Variants in LTBP1 observed in about 807,000 individuals in gnomAD.
The protein encoded by LTBP1 is latent-transforming growth factor beta-binding protein 1.
LTBP1 carries 129 observed loss-of-function variants against 207.6 expected under a neutral mutation model. The observed-to-expected ratio is 0.62, with a 90% CI of 0.54 to 0.72. The LOEUF (loss-of-function observed/expected upper bound fraction) is 0.72. LTBP1 is among the 30% of genes least tolerant of loss of function. The pLI is 0.00. For synonymous variants in LTBP1, 963 were observed against 833.7 expected, an observed-to-expected ratio of 1.16 and a Z score of -2.67; for missense variants, 2,281 against 2,217.2, an observed-to-expected ratio of 1.03 and a Z score of -0.58.
At chr2:33,194,892 C>G (rs1193038266) in intron 7 of LTBP1, among the ~76,000 whole-genome samples, 1 of 152,150 alleles carries the variant, frequency 6.6e-6, no homozygotes, top group Non-Finnish European at 1.5e-5. Flanking sequence ...TAGTTGCAGC[C>G]AGTGCTCATA....
At chr2:33,054,539 C>T (rs2076895483) in intron 3 of LTBP1, among the ~76,000 whole-genome samples, 1 of 152,170 alleles carries the variant, frequency 6.6e-6, no homozygotes, top group South Asian at 2.1e-4. Context: ...TAATATATCC[C>T]TCCCTAATAA....
At chr2:33,176,519 C>A (rs1023093256) in intron 5 of LTBP1, among the ~76,000 whole-genome samples, 1 of 149,726 alleles carries the variant, frequency 6.7e-6, no homozygotes, top group African/African-American at 2.6e-5. Context: ...GCCACCATGC[C>A]TGGCTGACAA....
chr2:33,110,747 T>C lies in LTBP1; in HGVS notation c.1029T>C (p.Phe343=). ...TGCAGGATCAAGTTGCGGCACCTTT[T>C]CAGCGTGAGTATAGTCTTATCAACC... ...RYVQDQVAAP[F]QLSNHTGRIK... The change falls in exon 4 of 34, where the codon TTT becomes TTC. Residue 343 remains phenylalanine, a synonymous_variant. Transcript: ENST00000404816. 1 of 1,613,916 alleles carries C rather than the reference T, an allele frequency of 6.2e-7. No homozygotes were observed.
At chr2:33,354,054 G>A (rs532482955) in intron 26 of LTBP1, among the ~76,000 whole-genome samples, 6 of 151,274 alleles carry the variant, frequency 4.0e-5, no homozygotes, top group African/African-American at 1.5e-4. Context: ...TAGTAGAGAC[G>A]GGGTTTCACC....
At chr2:33,325,373 G>T (rs1338842360) in intron 24 of LTBP1, among the ~76,000 whole-genome samples, 3 of 152,136 alleles carry the variant, frequency 2.0e-5, no homozygotes, top group African/African-American at 7.2e-5. Flanking sequence ...TGCCTCTGAG[G>T]CCTAAGTGTC....
chr2:33,319,490 T>C (rs2094322110), intron 24 of LTBP1, among the ~76,000 whole-genome samples: 1 of 152,124 alleles, frequency 6.6e-6, no homozygotes, highest in African/African-American at 2.4e-5. Context: ...GGGAGAAAAT[T>C]AGGGAAACTT....
At position 33,362,058 on chromosome 2, in the gene LTBP1, A is replaced by C. The variant is rs549073782; in HGVS notation, c.4270+543A>C. On this transcript the variant is annotated intron_variant, in intron 28 of 33. Coordinates refer to ENST00000404816, the MANE Select transcript of LTBP1 (RefSeq NM_206943.4). ...AGACATGTTTTATGTATTTGATGCT[A>C]CGGTTATATAATTCTAAAATAAATG... Among the ~76,000 whole-genome samples, 14 of 152,300 alleles carry C rather than the reference A, an allele frequency of 9.2e-5. No homozygotes were observed. In the East Asian group the frequency reaches 2.7e-3, roughly 29 times the overall value.
intron 31 of LTBP1, among the ~76,000 whole-genome samples, chr2:33,379,418 C>T (rs1200152077): frequency 1.3e-5 from 2 of 152,038 alleles, no homozygotes; most frequent in Non-Finnish European, 2.9e-5. Flanking sequence ...ACCTTGTTAG[C>T]CAGGATGGTC....
chr2:33,059,903 G>A lies in LTBP1; in HGVS notation c.863+38697G>A, dbSNP rs113535502. Among the ~76,000 whole-genome samples, 1,044 of 152,258 alleles carry A rather than the reference G, an allele frequency of 6.9e-3. 9 individuals carry two copies. The highest frequency in any genetic ancestry group is 0.022 in the African/African-American group (929 of 41,538). ...CTTCTAGACTTTAGATACATCTATGGCAAATAGGAAGACAAGCTATTTCTA... is the reference window on the plus strand; with the variant it reads ...CTTCTAGACTTTAGATACATCTATGACAAATAGGAAGACAAGCTATTTCTA... On this transcript the variant is annotated intron_variant, in intron 3 of 33. Transcript: ENST00000404816.
intron 2 of LTBP1, among the ~76,000 whole-genome samples, chr2:32,987,424 C>A (rs1683764630): frequency 6.6e-6 from 1 of 152,054 alleles, no homozygotes; most frequent in East Asian, 1.9e-4. Flanking sequence ...AGCCTTTAGT[C>A]ACTCTGGGCC....
chr2:32,975,583 G>GTTTTTTTTTTTT lies in LTBP1; in HGVS notation c.565+26665_565+26676dup, dbSNP rs779168923. On this transcript the variant is annotated intron_variant, in intron 2 of 33. Coordinates refer to ENST00000404816, the MANE Select transcript of LTBP1 (RefSeq NM_206943.4). ...TTGTTGGAGGTTTCATTCATTCTTT[G>GTTTTTTTTTTTT]TTTTTTTTTTTTTTTTTTTTTTTTT... Among the ~76,000 whole-genome samples, 21 of 31,382 alleles carry GTTTTTTTTTTTT rather than the reference G, an allele frequency of 6.7e-4. 6 individuals carry two copies. The highest frequency in any genetic ancestry group is 2.4e-3 in the East Asian group (2 of 838). 20.6% of individuals were successfully genotyped at this position (31,382 alleles called of 152,430 possible). A position where few individuals can be genotyped will look rare whatever the true frequency, so the allele number is the denominator to read the frequency against.
At chr2:33,055,438 A>T (rs535620478) in intron 3 of LTBP1, among the ~76,000 whole-genome samples, 1 of 152,310 alleles carries the variant, frequency 6.6e-6, no homozygotes, top group African/African-American at 2.4e-5. Context: ...ACAGGTCAAC[A>T]GATGTTTACA....
chr2:32,952,810 A>G (rs1434211974), intron 2 of LTBP1, among the ~76,000 whole-genome samples: 2 of 152,178 alleles, frequency 1.3e-5, no homozygotes, highest in African/African-American at 4.8e-5. Flanking sequence ...AAAAGAATGA[A>G]AGAGAGGAGA....
At chr2:33,027,388 C>G (rs1310546098) in intron 3 of LTBP1, among the ~76,000 whole-genome samples, 1 of 152,298 alleles carries the variant, frequency 6.6e-6, no homozygotes. Flanking sequence ...ACTCTCTTAG[C>G]AAATTACCAG....
intron 2 of LTBP1, among the ~76,000 whole-genome samples, chr2:32,973,020 G>A (rs562948089): frequency 8.5e-5 from 13 of 152,192 alleles, no homozygotes; most frequent in African/African-American, 2.6e-4. Context: ...GTATTATTTT[G>A]GTTTTTTTGA....
intron 24 of LTBP1, among the ~76,000 whole-genome samples, chr2:33,340,257 CAAAAAAA>C (rs1198759101): frequency 1.1e-5 from 1 of 89,930 alleles, no homozygotes; most frequent in Non-Finnish European, 2.2e-5. Flanking sequence ...GACTCTGTCT[CAAAAAAA>C]AAAAAAAAAA....
chr2:33,356,355 A>G (rs2094859491), intron 26 of LTBP1, among the ~76,000 whole-genome samples: 1 of 152,206 alleles, frequency 6.6e-6, no homozygotes, highest in Admixed American at 6.5e-5. Flanking sequence ...AGGAACTCAG[A>G]TAAAACAGAT....
At chr2:33,289,248 C>G (rs992901962) in intron 19 of LTBP1, among the ~76,000 whole-genome samples, 3 of 152,210 alleles carry the variant, frequency 2.0e-5, no homozygotes, top group Non-Finnish European at 2.9e-5. Flanking sequence ...CCTGATACCT[C>G]GGCAAGTTTC....
chr2:33,225,156 A>G (rs1472124467), intron 9 of LTBP1, among the ~76,000 whole-genome samples: 1 of 152,174 alleles, frequency 6.6e-6, no homozygotes, highest in African/African-American at 2.4e-5. Context: ...ATAATTGTAC[A>G]TATTTATGGG....
Sources: allele counts gnomAD v4.1 joint callset (sites outside exome capture counted in the v4.1 genomes callset), GRCh38; gene constraint gnomAD v4.1.1; transcripts MANE v1.5; gene names NCBI Gene and HGNC (gene_info 2026-07-23, HGNC 2026-07-21).